The following FSTL3 variants were observed in gnomAD, a reference collection of about 807,000 sequenced individuals.
FSTL3 encodes the protein follistatin like 3, also known as follistatin-related protein 3.
FSTL3 carries 21 observed loss-of-function variants against 28.1 expected under a neutral mutation model. The observed-to-expected ratio is 0.75, with a 90% CI of 0.53 to 1.08. The LOEUF is 1.08. Ranked by LOEUF, FSTL3 falls within the 50% of genes least tolerant of loss-of-function variation. FSTL3 has a pLI of 0.00. For synonymous variants in FSTL3, 199 were observed against 164.2 expected, an observed-to-expected ratio of 1.21 and a Z score of -1.62; for missense variants, 400 against 380.9, an observed-to-expected ratio of 1.05 and a Z score of -0.42.
chr19:679,480 G>A (rs1396418331), intron 2 of FSTL3, among the ~76,000 whole-genome samples: 2 of 152,212 alleles, frequency 1.3e-5, no homozygotes, highest in Non-Finnish European at 2.9e-5. Flanking sequence ...CCAGATAACA[G>A]AAAGGGGGTT....
At position 680,506 on chromosome 19, in the gene FSTL3, T is replaced by C. The variant is rs916823806; in HGVS notation, c.505+17T>C. On this transcript the variant is annotated intron_variant, in intron 3 of 4. Transcript: ENST00000166139. ...GCTGCCGCAGTACGTGGGGGCGTGG[T>C]CTGTGGAGGGGCGGGGCGGGACCTA... 58 of 1,206,740 alleles carry C rather than the reference T, an allele frequency of 4.8e-5. No individual in the cohort carries two copies. In the African/African-American group the frequency reaches 9.3e-4, roughly 19 times the overall value. 74.8% of individuals were successfully genotyped at this position (1,206,740 alleles called of 1,614,324 possible). A position where few individuals can be genotyped will look rare whatever the true frequency, so the allele number is the denominator to read the frequency against.
At position 678,901 on chromosome 19, in the gene FSTL3, T is replaced by C. The variant is rs368119216; in HGVS notation, c.289+924T>C. ...GCCAGATGGGGCCGGTATGGGAGAG[T>C]GGATCAGGAGAGAACATGGCTTGAG... On this transcript the variant is annotated intron_variant, in intron 2 of 4. Coordinates refer to ENST00000166139, the MANE Select transcript of FSTL3 (RefSeq NM_005860.3). Among the ~76,000 whole-genome samples, 14 of 150,348 alleles carry C rather than the reference T, an allele frequency of 9.3e-5. 1 individual carries two copies. The South Asian group carries it at 2.8e-3, about 30-fold the overall frequency.
Position 677,777 on chromosome 19 carries a change from T to G in FSTL3, c.104-15T>G. 1.3e-6 allele frequency: 2 copies of G among 1,597,734 alleles called. No individual in the cohort carries two copies. The highest frequency in any genetic ancestry group is 1.7e-6 in the Non-Finnish European group (2 of 1,175,214). On this transcript the variant is annotated splice_polypyrimidine_tract_variant and intron_variant, in intron 1 of 4. Coordinates refer to ENST00000166139, the MANE Select transcript of FSTL3 (RefSeq NM_005860.3). ...AGGAGTGGCCCAGGAGAGCACCCCGTTCCCCGGCCCGCAGGTGGTGTTTGC... is the reference window on the plus strand; with the variant it reads ...AGGAGTGGCCCAGGAGAGCACCCCGGTCCCCGGCCCGCAGGTGGTGTTTGC...
Position 682,613 on chromosome 19 carries a change from G to A in FSTL3, c.*905G>A, listed in dbSNP as rs1414198593. The A allele has an allele frequency of 1.3e-5, 3 of 232,048 alleles. No homozygotes were observed. The highest frequency in any genetic ancestry group is 5.8e-5 in the Admixed American group (1 of 17,280). The allele number at this position is 232,048 out of a possible 1,614,324, so 14.4% of individuals were successfully genotyped here. Reference sequence around the variant, plus strand: ...TTGAGAAATGCCCAGTGTGCCCCCTGGGAAAGGGCACGGCCTGTGCTCCTG... The same window carrying A: ...TTGAGAAATGCCCAGTGTGCCCCCTAGGAAAGGGCACGGCCTGTGCTCCTG... On this transcript the variant is annotated 3_prime_UTR_variant, in exon 5 of 5. Transcript: ENST00000166139.
intron 3 of FSTL3, 122 bp downstream of exon 3, chr19:680,611 G>A (rs1435024515): frequency 2.2e-5 from 12 of 556,812 alleles, no homozygotes; most frequent in East Asian, 3.7e-5. Flanking sequence ...CCGGACCTGA[G>A]CGTGACGTAT....
intron 2 of FSTL3, among the ~76,000 whole-genome samples, chr19:679,428 CACATAA>C (rs1259492669): frequency 6.6e-6 from 1 of 152,168 alleles, no homozygotes; most frequent in Non-Finnish European, 1.5e-5. Context: ...CTGAGGCTGG[CACATAA>C]ACTCAACAGC....
rs989079903 is a variant in FSTL3 at position 682,535 on chromosome 19, A to C, written c.*827A>C. The stretch of plus-strand genomic sequence containing the variant: ...TGCCACCATTCCCTGCCAGCCCAAG[A>C]ACTCCAGCTTCCCCACTGCCTCTGT... On this transcript the variant is annotated 3_prime_UTR_variant, in exon 5 of 5. Coordinates refer to ENST00000166139, the MANE Select transcript of FSTL3 (RefSeq NM_005860.3). 2.1e-5 allele frequency: 5 copies of C among 233,864 alleles called. No individual in the cohort carries two copies. The highest frequency in any genetic ancestry group is 1.1e-4 in the African/African-American group (5 of 45,322). 14.5% of individuals were successfully genotyped at this position (233,864 alleles called of 1,614,324 possible). A position where few individuals can be genotyped will look rare whatever the true frequency, so the allele number is the denominator to read the frequency against.
In FSTL3 at chr19:680,290, G is replaced by A. The variant is rs1843084878; in HGVS notation, c.306G>A (p.Val102=). ...CLPCKDSCDG[V]ECGPGKACRM... Reference sequence around the variant, plus strand: ...TGTCCGCAGATTCGTGCGACGGCGTGGAGTGCGGCCCGGGCAAGGCGTGCC... The same window carrying A: ...TGTCCGCAGATTCGTGCGACGGCGTAGAGTGCGGCCCGGGCAAGGCGTGCC... The change falls in exon 3 of 5, where the codon GTG becomes GTA. Residue 102 remains valine, a synonymous_variant. Transcript: ENST00000166139. The A allele has an allele frequency of 1.1e-5, 14 of 1,320,510 alleles. No individual in the cohort carries two copies. Among genetic ancestry groups the A allele is most frequent in the South Asian group, 1.9e-5 (1 of 51,488 alleles). 81.8% of individuals were successfully genotyped at this position (1,320,510 alleles called of 1,614,324 possible).
At position 676,618 on chromosome 19, in the gene FSTL3, C is replaced by T. The variant is rs557371363; in HGVS notation, c.103+92C>T. Reference sequence around the variant, plus strand: ...GGGGGGACGTCGGGGGGCGCGGCGGCGGCGGCGGGGGCGAGGGCGGTGTCC... The same window carrying T: ...GGGGGGACGTCGGGGGGCGCGGCGGTGGCGGCGGGGGCGAGGGCGGTGTCC... On this transcript the variant is annotated intron_variant, in intron 1 of 4. Transcript: ENST00000166139. The T allele has an allele frequency of 1.0e-3, 369 of 353,066 alleles. 5 individuals are homozygous for T. The East Asian group carries it at 0.018, about 17-fold the overall frequency. The allele number at this position is 353,066 out of a possible 1,614,324, so 21.9% of individuals were successfully genotyped here.
chr19:680,955 CA>C (rs1224574725), intron 3 of FSTL3: 3 of 294,778 alleles, frequency 1.0e-5, no homozygotes, highest in Non-Finnish European at 1.9e-5. Flanking sequence ...ATGATGGAAC[CA>C]GGGGGGTGAG....
rs1358837327 is a variant in FSTL3, at chr19:678,129, G to A, written c.289+152G>A. On this transcript the variant is annotated intron_variant, in intron 2 of 4. Coordinates refer to ENST00000166139, the MANE Select transcript of FSTL3 (RefSeq NM_005860.3). ...GGATCCCAGCCTCAGAGAGGGACTGGGGGGACTTCCCGGTTCCCAGGCTCC... is the reference window on the plus strand; with the variant it reads ...GGATCCCAGCCTCAGAGAGGGACTGAGGGGACTTCCCGGTTCCCAGGCTCC... The A allele has an allele frequency of 8.5e-6, 6 of 703,286 alleles. No homozygotes were observed. The South Asian group carries it at 1.1e-4, about 13-fold the overall frequency. The allele number at this position is 703,286 out of a possible 1,614,324, so 43.6% of individuals were successfully genotyped here. A position where few individuals can be genotyped will look rare whatever the true frequency, so the allele number is the denominator to read the frequency against.
At chr19:677,038 T>C (rs2031227748) in intron 1 of FSTL3, among the ~76,000 whole-genome samples, 1 of 152,080 alleles carries the variant, frequency 6.6e-6, no homozygotes, top group African/African-American at 2.4e-5. Flanking sequence ...ACGGCCCCAC[T>C]CCTGGCCTCA....
At position 678,118 on chromosome 19, in the gene FSTL3, G is replaced by C. The variant is rs1324424068; in HGVS notation, c.289+141G>C. 7.9e-6 allele frequency: 6 copies of C among 760,910 alleles called. No individual in the cohort carries two copies. In the Admixed American group the frequency reaches 1.4e-4, roughly 18 times the overall value. 47.1% of individuals were successfully genotyped at this position (760,910 alleles called of 1,614,324 possible). On this transcript the variant is annotated intron_variant, in intron 2 of 4. Coordinates refer to ENST00000166139, the MANE Select transcript of FSTL3 (RefSeq NM_005860.3). ...AGGCTGCAGGGGGATCCCAGCCTCAGAGAGGGACTGGGGGGACTTCCCGGT... is the reference window on the plus strand; with the variant it reads ...AGGCTGCAGGGGGATCCCAGCCTCACAGAGGGACTGGGGGGACTTCCCGGT...
rs537372081 is a variant in FSTL3 at position 683,231 on chromosome 19, C to T, written c.*1523C>T. The T allele has an allele frequency of 1.9e-4, 45 of 233,016 alleles. No individual in the cohort carries two copies. The highest frequency in any genetic ancestry group is 9.0e-4 in the African/African-American group (41 of 45,382). 14.4% of individuals were successfully genotyped at this position (233,016 alleles called of 1,614,324 possible). A position where few individuals can be genotyped will look rare whatever the true frequency, so the allele number is the denominator to read the frequency against. ...GGTCTGGGGTGAGGAATGTGGGGAGCTTGGGCATCCTCCTCCAGCCTCCTC... is the reference window on the plus strand; with the variant it reads ...GGTCTGGGGTGAGGAATGTGGGGAGTTTGGGCATCCTCCTCCAGCCTCCTC... On this transcript the variant is annotated 3_prime_UTR_variant, in exon 5 of 5. Transcript: ENST00000166139.
chr19:680,518 C>T (rs1478760471), intron 3 of FSTL3, 29 bp downstream of exon 3: 32 of 954,728 alleles, frequency 3.4e-5, no homozygotes, highest in African/African-American at 9.3e-5. Flanking sequence ...TGTGGAGGGG[C>T]GGGGCGGGAC....
intron 2 of FSTL3, 135 bp downstream of exon 2, chr19:678,112 G>T: frequency 1.3e-6 from 1 of 793,900 alleles, no homozygotes; most frequent in Non-Finnish European, 2.0e-6. Context: ...GGGGATCCCA[G>T]CCTCAGAGAG....
chr19:681,028 G>A, intron 3 of FSTL3: 1 of 422,674 alleles, frequency 2.4e-6, no homozygotes, highest in Admixed American at 4.2e-5. Flanking sequence ...GAGATGGGCG[G>A]GGATTTGTGG....
chr19:681,605 GAA>G, intron 4 of FSTL3, 43 bp from the exon 5 acceptor site: 1 of 1,594,242 alleles, frequency 6.3e-7, no homozygotes, highest in South Asian at 1.1e-5. Flanking sequence ...GGGGGCCGGA[GAA>G]CCCCCTGCCC....
In FSTL3 at chr19:680,501, C is replaced by A; in HGVS notation, c.505+12C>A. The A allele has an allele frequency of 1.8e-6, 2 of 1,120,948 alleles. No individual in the cohort carries two copies. Among genetic ancestry groups the A allele is most frequent in the East Asian group, 4.8e-5 (1 of 20,698 alleles). The allele number at this position is 1,120,948 out of a possible 1,614,324, so 69.4% of individuals were successfully genotyped here. ...GGGCCGCTGCCGCAGTACGTGGGGG[C>A]GTGGTCTGTGGAGGGGCGGGGCGGG... On this transcript the variant is annotated intron_variant, in intron 3 of 4. Transcript: ENST00000166139.
Sources: gnomAD v4.1 joint callset for allele counts (sites outside exome capture counted in the v4.1 genomes callset) on GRCh38, gnomAD v4.1.1 for gene constraint, MANE v1.5 for transcripts, NCBI Gene and HGNC (gene_info 2026-07-23, HGNC 2026-07-21) for gene names.